PSME4: variants seen among roughly 807,000 people sequenced by gnomAD.
The protein encoded by PSME4 is proteasome activator subunit 4.
A neutral mutation model predicts 253.9 loss-of-function variants in PSME4; 89 were observed. The ratio of observed to expected loss-of-function variants is 0.35; its 90% CI spans 0.30 to 0.42. The LOEUF is 0.42. Ranked by LOEUF, PSME4 falls within the 10% of genes least tolerant of loss-of-function variation. PSME4 has a pLI of 1.00. For synonymous variants in PSME4, 851 were observed against 759.2 expected, an observed-to-expected ratio of 1.12 and a Z score of -1.99; for missense variants, 2,014 against 2,195.2, an observed-to-expected ratio of 0.92 and a Z score of 1.65.
rs1184529781 is a variant in PSME4 at position 53,921,753 on chromosome 2, A to G, written c.2047-649T>C. ...CGTAGTGGCGGGCGCCTGTAGTCCC[A>G]GCTACTTGGGAGGCTGAGGCAGGAG... is the stretch of plus-strand genomic sequence containing the variant. On this transcript the variant is annotated intron_variant, in intron 17 of 46. Coordinates refer to ENST00000404125, the MANE Select transcript of PSME4 (RefSeq NM_014614.3). 3.6e-5 allele frequency among the ~76,000 whole-genome samples: 5 copies of G among 140,650 alleles called. No individual in the cohort carries two copies. In the East Asian group the frequency reaches 1.1e-3, roughly 31 times the overall value. The allele number at this position is 140,650 out of a possible 152,430, so 92.3% of individuals were successfully genotyped here.
Position 53,970,743 on chromosome 2 carries a change from C to T in PSME4, c.42G>A (p.Glu14=). ...GGCCCGGCTCGGGACGCCCGCCCGG[C>T]TCCGGGGGCTCTCCGACTCCCGCCC... The part of the protein sequence containing the change: ...AERAGVGEPP[E]PGGRPEPGPR... Residue 14 remains glutamate (E), a synonymous_variant, in exon 1 of 47, where the codon GAG becomes GAA. Coordinates refer to ENST00000404125, the MANE Select transcript of PSME4 (RefSeq NM_014614.3). 1 of 1,545,934 alleles carries T rather than the reference C, an allele frequency of 6.5e-7. No individual in the cohort carries two copies. Among genetic ancestry groups the T allele is most frequent in the Non-Finnish European group, 8.7e-7 (1 of 1,145,448 alleles).
At chr2:53,909,629 T>C (rs1399641781) in intron 21 of PSME4, among the ~76,000 whole-genome samples, 2 of 152,188 alleles carry the variant, frequency 1.3e-5, no homozygotes, top group Non-Finnish European at 2.9e-5. Context: ...TCTTTTCATA[T>C]ATCAAAAAAG....
intron 20 of PSME4, 42 bp downstream of exon 20, chr2:53,919,109 C>T (rs1573288131): frequency 6.4e-7 from 1 of 1,561,824 alleles, no homozygotes; most frequent in East Asian, 2.3e-5. Context: ...GTGACTAAGA[C>T]TTAAAATATA....
chr2:53,931,075 C>A (rs932632264), intron 10 of PSME4, among the ~76,000 whole-genome samples: 3 of 152,084 alleles, frequency 2.0e-5, no homozygotes, highest in African/African-American at 7.2e-5. Context: ...GTCAGGAGTT[C>A]GAAACCAGCC....
chr2:53,920,310 T>C lies in PSME4; in HGVS notation c.2303A>G (p.Gln768Arg), dbSNP rs1242557941. The change falls in exon 19 of 47, where the codon CAG (glutamine) becomes CGG (arginine). Residue 768 changes from glutamine to arginine, a missense_variant. Gln to Arg is a conservative substitution (Grantham distance 43). Transcript: ENST00000404125. ...KPGDLWNLGI[Q>R]WHVPSSEEVS... Reference sequence around the variant, plus strand: ...TTCTTCTGAAGAAGGAACATGCCACTGGATTCCCAGATTCCACAAGTCCCC... The same window carrying C: ...TTCTTCTGAAGAAGGAACATGCCACCGGATTCCCAGATTCCACAAGTCCCC... 1.2e-6 allele frequency: 2 copies of C among 1,613,678 alleles called. No individual in the cohort carries two copies. Among genetic ancestry groups the C allele is most frequent in the Admixed American group, 1.7e-5 (1 of 60,004 alleles).
intron 26 of PSME4, 98 bp downstream of exon 26, chr2:53,906,500 G>A: frequency 7.3e-7 from 1 of 1,378,360 alleles, no homozygotes; most frequent in Non-Finnish European, 9.5e-7. Context: ...TCCAATTATG[G>A]GTGAAATTAT....
intron 28 of PSME4, 98 bp from the exon 29 acceptor site, chr2:53,900,115 A>C: frequency 9.5e-7 from 1 of 1,057,554 alleles, no homozygotes; most frequent in African/African-American, 1.6e-5. Flanking sequence ...GAGGCCAGAC[A>C]CAAAAGTCCA....
chr2:53,903,967 T>C, intron 27 of PSME4, 58 bp downstream of exon 27: 1 of 1,432,838 alleles, frequency 7.0e-7, no homozygotes. Flanking sequence ...GTAGAATTTT[T>C]TCAGCTTTTC....
At chr2:53,929,234 C>G (rs1668712068) in intron 10 of PSME4, among the ~76,000 whole-genome samples, 1 of 151,986 alleles carries the variant, frequency 6.6e-6, no homozygotes, top group Admixed American at 6.6e-5. Context: ...CTATATTATA[C>G]TAATCTAACG....
Position 53,909,943 on chromosome 2 carries a change from C to G in PSME4, c.2572+132G>C, listed in dbSNP as rs1442590320. ...AGAGATCGCGTCACCACACTCCAGC[C>G]TGGGAGACAGAGTGAGACTCTGTCT... is the stretch of plus-strand genomic sequence containing the variant. On this transcript the variant is annotated intron_variant, in intron 21 of 46. Coordinates refer to ENST00000404125, the MANE Select transcript of PSME4 (RefSeq NM_014614.3). 102 of 828,918 alleles carry G rather than the reference C, an allele frequency of 1.2e-4. 1 individual carries two copies. The Admixed American group carries it at 1.8e-3, about 15-fold the overall frequency. 51.3% of individuals were successfully genotyped at this position (828,918 alleles called of 1,614,324 possible).
intron 1 of PSME4, among the ~76,000 whole-genome samples, chr2:53,957,506 T>C (rs941863086): frequency 3.3e-5 from 5 of 151,996 alleles, no homozygotes; most frequent in African/African-American, 1.2e-4. Flanking sequence ...ACAACAGGGA[T>C]TGTGCTCCTA....
chr2:53,896,721 T>C lies in PSME4; in HGVS notation c.3688+83A>G, dbSNP rs553943995. Reference sequence around the variant, plus strand: ...AATATCCATAGAACAATATTTGAGGTCAAGAACTAGAATTTATACATGTCA... The same window carrying C: ...AATATCCATAGAACAATATTTGAGGCCAAGAACTAGAATTTATACATGTCA... On this transcript the variant is annotated intron_variant, in intron 32 of 46. Transcript: ENST00000404125. The C allele has an allele frequency of 5.0e-5, 51 of 1,024,188 alleles. No homozygotes were observed. In the Admixed American group the frequency reaches 8.2e-4, roughly 16 times the overall value. 63.4% of individuals were successfully genotyped at this position (1,024,188 alleles called of 1,614,324 possible). A position where few individuals can be genotyped will look rare whatever the true frequency, so the allele number is the denominator to read the frequency against.
chr2:53,910,760 T>C (rs961878391), intron 20 of PSME4, among the ~76,000 whole-genome samples: 6 of 152,354 alleles, frequency 3.9e-5, no homozygotes, highest in African/African-American at 9.6e-5. Flanking sequence ...TTTTTACATA[T>C]GCAAGGACAG....
intron 41 of PSME4, among the ~76,000 whole-genome samples, chr2:53,879,033 C>T (rs185201140): frequency 2.1e-4 from 32 of 151,924 alleles, no homozygotes; most frequent in Admixed American, 3.9e-4. Flanking sequence ...ATGTCTCCCC[C>T]GGACACCCAG....
intron 35 of PSME4, among the ~76,000 whole-genome samples, chr2:53,893,218 A>T (rs1478553944): frequency 7.2e-6 from 1 of 138,098 alleles, no homozygotes; most frequent in Non-Finnish European, 1.5e-5. Flanking sequence ...TAAACATAAA[A>T]AACGCATGCA....
Position 53,890,126 on chromosome 2 carries a change from C to T in PSME4, c.4274G>A (p.Gly1425Glu). Reference protein sequence around the residue: ...NITVETYNDWGACIATSCESR... With the variant: ...NITVETYNDWEACIATSCESR... Reference sequence around the variant, plus strand: ...TACACAGGATGTTGCTATACAAGCTCCCCAGTCATTATAAGTTTCTACGGT... The same window carrying T: ...TACACAGGATGTTGCTATACAAGCTTCCCAGTCATTATAAGTTTCTACGGT... Residue 1425 changes from glycine (G) to glutamate (E), a missense_variant, in exon 37 of 47, where the codon GGA becomes GAA. Gly to Glu is a moderately conservative substitution (Grantham distance 98). Coordinates refer to ENST00000404125, the MANE Select transcript of PSME4 (RefSeq NM_014614.3). 1.2e-6 allele frequency: 2 copies of T among 1,613,486 alleles called. No individual in the cohort carries two copies. The highest frequency in any genetic ancestry group is 1.1e-5 in the South Asian group (1 of 91,044).
chr2:53,910,376 T>C (rs1667774321), intron 20 of PSME4, among the ~76,000 whole-genome samples: 1 of 152,172 alleles, frequency 6.6e-6, no homozygotes, highest in Admixed American at 6.5e-5. Context: ...TAAAGGAACA[T>C]AATATTGATA....
chr2:53,890,423 C>G (rs972287250), intron 36 of PSME4, among the ~76,000 whole-genome samples: 2 of 152,176 alleles, frequency 1.3e-5, no homozygotes, highest in African/African-American at 4.8e-5. Flanking sequence ...CCACTCGCTT[C>G]AGCCTTCCAA....
chr2:53,925,884 TA>T, intron 13 of PSME4, 74 bp downstream of exon 13: 2 of 1,464,680 alleles, frequency 1.4e-6, no homozygotes, highest in Non-Finnish European at 1.9e-6. Context: ...AATGCAGAAA[TA>T]AACTAAACTT....
Sources: gnomAD v4.1 joint callset for allele counts (sites outside exome capture counted in the v4.1 genomes callset) on GRCh38, gnomAD v4.1.1 for gene constraint, MANE v1.5 for transcripts, NCBI Gene and HGNC (gene_info 2026-07-23, HGNC 2026-07-21) for gene names.